Variants in FRMPD4 observed in about 807,000 individuals in gnomAD.
FRMPD4 encodes FERM and PDZ domain containing 4, also known as FERM and PDZ domain-containing protein 4.
A neutral mutation model predicts 94.1 loss-of-function variants in FRMPD4; 22 were observed. The ratio of observed to expected loss-of-function variants is 0.23; its 90% confidence interval spans 0.17 to 0.33. FRMPD4 has a LOEUF of 0.33. FRMPD4 is among the 10% of genes least tolerant of loss of function. The pLI is 1.00. For missense variants in FRMPD4, 1,111 were observed against 1,339.9 expected, an observed-to-expected ratio of 0.83 and a Z score of 2.67; for synonymous variants, 631 against 548.6, an observed-to-expected ratio of 1.15 and a Z score of -2.10.
intron 2 of FRMPD4, among the ~76,000 whole-genome samples, chrX:12,538,114 C>G (rs758911960): frequency 2.4e-3 from 264 of 111,437 alleles, no homozygotes; most frequent in Non-Finnish European, 4.1e-3. Flanking sequence ...CCTGGAAAAT[C>G]AGGTCACTCC....
chrX:12,294,467 T>TACACACAC (rs766103055), intron 1 of FRMPD4, among the ~76,000 whole-genome samples: 1 of 87,275 alleles, frequency 1.1e-5, no homozygotes, highest in African/African-American at 4.3e-5. Context: ...CTCATAACTG[T>TACACACAC]ACACACACAC....
intron 1 of FRMPD4, among the ~76,000 whole-genome samples, chrX:11,831,401 C>A (rs1410365562): frequency 9.0e-6 from 1 of 111,013 alleles, no homozygotes; most frequent in East Asian, 2.8e-4. Flanking sequence ...TTACTTCTGT[C>A]TAGTCTCCCA....
At chrX:12,670,378 T>C (rs2148499566) in intron 4 of FRMPD4, among the ~76,000 whole-genome samples, 1 of 112,272 alleles carries the variant, frequency 8.9e-6, no homozygotes, top group Admixed American at 9.4e-5. Context: ...AGCATGGTAC[T>C]GGTACCAAAA....
chrX:12,210,164 A>G (rs1168445427), intron 1 of FRMPD4, among the ~76,000 whole-genome samples: 1 of 112,165 alleles, frequency 8.9e-6, no homozygotes, highest in Non-Finnish European at 1.9e-5. Flanking sequence ...AATAAAAGTT[A>G]GTCAACAAGA....
chrX:11,851,063 G>A (rs752798497), intron 1 of FRMPD4, among the ~76,000 whole-genome samples: 2 of 111,713 alleles, frequency 1.8e-5, no homozygotes, highest in South Asian at 3.8e-4. Flanking sequence ...ACCCTGCCCC[G>A]GTTGAACTAC....
At chrX:12,055,774 G>C (rs1203830720) in intron 3 of FRMPD4, among the ~76,000 whole-genome samples, 1 of 111,712 alleles carries the variant, frequency 9.0e-6, no homozygotes, top group Non-Finnish European at 1.9e-5. Flanking sequence ...TCCAACTAGA[G>C]AGGATGGAGG....
chrX:12,074,620 C>G (rs749255987), intron 3 of FRMPD4, among the ~76,000 whole-genome samples: 1 of 112,004 alleles, frequency 8.9e-6, no homozygotes, highest in Non-Finnish European at 1.9e-5. Context: ...GAGATTATTC[C>G]TTCAACACAA....
At chrX:12,327,413 G>A (rs1422929897) in intron 1 of FRMPD4, among the ~76,000 whole-genome samples, 1 of 111,919 alleles carries the variant, frequency 8.9e-6, no homozygotes, top group Non-Finnish European at 1.9e-5. Flanking sequence ...CTCATCCCAA[G>A]TCAGAGTTGG....
chrX:12,704,041 G>A (rs760263977), intron 10 of FRMPD4, among the ~76,000 whole-genome samples: 22 of 112,409 alleles, frequency 2.0e-4, no homozygotes, highest in Admixed American at 1.4e-3. Flanking sequence ...ATACAAACTC[G>A]GATACGTGAG....
At chrX:11,945,544 G>C (rs1386287359) in intron 3 of FRMPD4, among the ~76,000 whole-genome samples, 2 of 111,687 alleles carry the variant, frequency 1.8e-5, no homozygotes, top group Non-Finnish European at 3.8e-5. Flanking sequence ...AAAGAAAAGA[G>C]GTTTATTTGG....
chrX:11,979,793 G>A (rs750080376), intron 3 of FRMPD4, among the ~76,000 whole-genome samples: 8 of 111,065 alleles, frequency 7.2e-5, no homozygotes, highest in African/African-American at 9.8e-5. Flanking sequence ...TGTTGCTCAT[G>A]TCTACTTATG....
intron 1 of FRMPD4, among the ~76,000 whole-genome samples, chrX:12,232,321 G>A (rs905465164): frequency 2.3e-4 from 26 of 111,797 alleles, no homozygotes; most frequent in African/African-American, 8.5e-4. Flanking sequence ...GGAGGCCTCA[G>A]GAAACTTACA....
chrX:12,368,090 C>T (rs2056110665), intron 1 of FRMPD4, among the ~76,000 whole-genome samples: 1 of 111,969 alleles, frequency 8.9e-6, no homozygotes, highest in Non-Finnish European at 1.9e-5. Context: ...CTGGTACATC[C>T]CAGAGCTTGG....
At chrX:12,665,799 T>A (rs1167697846) in intron 4 of FRMPD4, among the ~76,000 whole-genome samples, 2 of 112,100 alleles carry the variant, frequency 1.8e-5, no homozygotes. Context: ...TAGGAAAAAC[T>A]GATACCAGCT....
intron 1 of FRMPD4, among the ~76,000 whole-genome samples, chrX:12,490,256 A>G (rs1433682887): frequency 9.0e-6 from 1 of 110,537 alleles, no homozygotes; most frequent in African/African-American, 3.3e-5. Context: ...GCATTAATTC[A>G]TTCATGAGGG....
chrX:12,241,939 GGA>G (rs2053880883), intron 1 of FRMPD4, among the ~76,000 whole-genome samples: 1 of 74,025 alleles, frequency 1.4e-5, no homozygotes, highest in Non-Finnish European at 2.8e-5. Flanking sequence ...GAGAAGGAGG[GGA>G]AGGGGAAGGG....
chrX:12,607,508 G>A (rs2059142722), intron 2 of FRMPD4, among the ~76,000 whole-genome samples: 1 of 111,751 alleles, frequency 8.9e-6, no homozygotes, highest in South Asian at 3.8e-4. Context: ...TTGAATGAGA[G>A]GCTCCACATT....
intron 1 of FRMPD4, among the ~76,000 whole-genome samples, chrX:12,444,544 C>T (rs1014825335): frequency 1.1e-4 from 12 of 111,886 alleles, no homozygotes; most frequent in African/African-American, 3.6e-4. Flanking sequence ...TCTCTTTCTC[C>T]ACATCTTAGT....
rs1330824733 is a variant in FRMPD4 at position 12,409,847 on chromosome X, G to T, written c.42-88833G>T. ...TGTTCGTGGGGGTAGGGGCAAAAAGGTACCAAGTAATATCACCTTTGAATT... is the reference window on the plus strand; with the variant it reads ...TGTTCGTGGGGGTAGGGGCAAAAAGTTACCAAGTAATATCACCTTTGAATT... On this transcript the variant is annotated intron_variant, in intron 1 of 16. Transcript: ENST00000675598. Among the ~76,000 whole-genome samples the T allele has an allele frequency of 1.8e-5, 2 of 111,371 alleles. 1 individual carries two copies. Among genetic ancestry groups the T allele is most frequent in the South Asian group, 7.5e-4 (2 of 2,666 alleles).
Sources: gnomAD v4.1 joint callset for allele counts (sites outside exome capture counted in the v4.1 genomes callset) on GRCh38, gnomAD v4.1.1 for gene constraint, MANE v1.5 for transcripts, NCBI Gene and HGNC (gene_info 2026-07-23, HGNC 2026-07-21) for gene names.